Variants in SMG1 observed in about 807,000 individuals in gnomAD.
SMG1 encodes the protein SMG1 nonsense mediated mRNA decay associated PI3K related kinase, also known as serine/threonine-protein kinase SMG1.
A neutral mutation model predicts 419.9 loss-of-function variants in SMG1; 22 were observed. The observed-to-expected ratio is 0.05, with a 90% CI of 0.04 to 0.07. The LOEUF (loss-of-function observed/expected upper bound fraction) is 0.07, where lower values mean the gene tolerates loss of function less well. Ranked by LOEUF, SMG1 falls within the 10% of genes least tolerant of loss-of-function variation. The probability of loss-of-function intolerance (pLI) is 1.00; values close to 1 mark genes in which losing one functional copy is unlikely to be tolerated. For missense variants in SMG1, 3,185 were observed against 4,342.0 expected (o/e 0.73, Z 7.49); for synonymous variants, 1,538 against 1,553.5 (o/e 0.99, Z 0.23).
At chr16:18,819,007 CG>C (rs2032276290) in intron 56 of SMG1, among the ~76,000 whole-genome samples, 1 of 152,052 alleles carries the variant, frequency 6.6e-6, no homozygotes, top group Admixed American at 6.5e-5. Flanking sequence ...TTAGCAGAGA[CG>C]GGGTTTCACC....
At position 18,896,096 on chromosome 16, in the gene SMG1, T is replaced by A. The variant is rs757178922; in HGVS notation, c.368A>T (p.His123Leu). The A allele has an allele frequency of 2.2e-5, 35 of 1,607,332 alleles. No individual in the cohort carries two copies. Among genetic ancestry groups the A allele is most frequent in the Non-Finnish European group, 2.8e-5 (33 of 1,175,798 alleles). ...TTTGGTGGCTAAAGCACGACTGCCA[T>A]GCTGAACACTGGTGAACTCAGGGCT... Reference protein sequence around the residue: ...VTSPEFTSVQHGSRALATKDM... With the variant: ...VTSPEFTSVQLGSRALATKDM... The change falls in exon 3 of 63, where the codon CAT becomes CTT. Residue 123 changes from histidine to leucine, a missense_variant. By Grantham distance (99) the His-to-Leu change is moderately conservative (BLOSUM62 -3). This residue lies in a region of SMG1 where 42 missense variants were observed against 100.1 expected (regional missense o/e 0.42). Coordinates refer to ENST00000446231, the MANE Select transcript of SMG1 (RefSeq NM_015092.5).
intron 6 of SMG1, among the ~76,000 whole-genome samples, chr16:18,887,743 T>A (rs933894858): frequency 1.3e-3 from 24 of 17,818 alleles, no homozygotes; most frequent in East Asian, 3.0e-3. Context: ...ATACCCAAAA[T>A]AAAGCATATC....
chr16:18,892,454 T>C (rs539661801), intron 3 of SMG1, 100 bp from the exon 4 acceptor site: 1 of 958,176 alleles, frequency 1.0e-6, no homozygotes, highest in African/African-American at 1.7e-5. Context: ...AACTAAATTA[T>C]TATGGTGGCT....
chr16:18,829,553 A>G lies in SMG1; in HGVS notation c.9336T>C (p.Ala3112=). ...LGLTLCSFIS[A]LGVDIIAQVE... ...CTTGAGCAATGATGTCTACACCCAG[A>G]GCACTGATAAAACTGCACAGTGTGA... Residue 3112 remains alanine, a synonymous_variant, in exon 54 of 63, where the codon GCT becomes GCC. Coordinates refer to ENST00000446231, the MANE Select transcript of SMG1 (RefSeq NM_015092.5). 1 of 1,614,032 alleles carries G rather than the reference A, an allele frequency of 6.2e-7. No individual in the cohort carries two copies. The highest frequency in any genetic ancestry group is 1.7e-5 in the Admixed American group (1 of 60,028).
intron 1 of SMG1, among the ~76,000 whole-genome samples, chr16:18,900,911 G>A (rs2037318948): frequency 6.6e-6 from 1 of 152,118 alleles, no homozygotes; most frequent in African/African-American, 2.4e-5. Context: ...GCTTTAATGA[G>A]GAATAAGAGA....
chr16:18,845,721 A>C, intron 38 of SMG1, 70 bp from the exon 39 acceptor site: 1 of 1,101,160 alleles, frequency 9.1e-7, no homozygotes, highest in South Asian at 1.4e-5. Flanking sequence ...ACATGCAACA[A>C]TTTCAATATA....
intron 13 of SMG1, among the ~76,000 whole-genome samples, chr16:18,874,009 C>G (rs1368860260): frequency 6.6e-6 from 1 of 152,188 alleles, no homozygotes; most frequent in Non-Finnish European, 1.5e-5. Flanking sequence ...TGGTAATAAG[C>G]GAAGCAGCTA....
intron 36 of SMG1, 138 bp from the exon 37 acceptor site, chr16:18,848,171 T>C (rs1310575272): frequency 1.5e-6 from 1 of 685,042 alleles, no homozygotes; most frequent in East Asian, 2.7e-5. Context: ...TAGAACTGAT[T>C]AAAGATTGTG....
chr16:18,867,519 G>C (rs575751032), intron 22 of SMG1, among the ~76,000 whole-genome samples: 2 of 137,394 alleles, frequency 1.5e-5, no homozygotes, highest in South Asian at 4.7e-4. Context: ...GTGAAACTGT[G>C]TCTCAAAAAA....
chr16:18,885,368 T>C, intron 7 of SMG1, 173 bp downstream of exon 7: 1 of 833,382 alleles, frequency 1.2e-6, no homozygotes, highest in Non-Finnish European at 1.9e-6. Flanking sequence ...TCTTCAAATA[T>C]TTTAAGGTAT....
chr16:18,843,918 T>C (rs1295297391), intron 39 of SMG1, among the ~76,000 whole-genome samples: 1 of 152,168 alleles, frequency 6.6e-6, no homozygotes, highest in Non-Finnish European at 1.5e-5. Flanking sequence ...TTTTGAGCTG[T>C]ACTATATCTA....
Position 18,890,882 on chromosome 16 carries a change from G to C in SMG1, c.589C>G (p.His197Asp), listed in dbSNP as rs773887313. 36 of 1,578,506 alleles carry C rather than the reference G, an allele frequency of 2.3e-5. No individual in the cohort carries two copies. Among genetic ancestry groups the C allele is most frequent in the Non-Finnish European group, 3.0e-5 (34 of 1,149,842 alleles). Residue 197 changes from histidine (H) to aspartate (D), a missense_variant, in exon 5 of 63, where the codon CAT becomes GAT. His to Asp is a moderately conservative substitution (Grantham distance 81). Around this residue, in one of 27 missense-constraint regions of SMG1, gnomAD observed 20 missense variants for 54.7 expected, o/e 0.37. Transcript: ENST00000446231. The part of the protein sequence containing the change: ...KQLDNILAAV[H>D]DVLNESSKLL... The stretch of plus-strand genomic sequence containing the variant: ...ACTTACCTTTCATTAAGCACGTCAT[G>C]TACAGCAGCCAAGATATTATCCAAT...
At chr16:18,888,571 G>C (rs1036948048) in intron 6 of SMG1, among the ~76,000 whole-genome samples, 1 of 151,364 alleles carries the variant, frequency 6.6e-6, no homozygotes, top group South Asian at 2.1e-4. Context: ...AGGTTCAAGC[G>C]ATTCTCCTGC....
chr16:18,899,106 G>C (rs1458244535), intron 1 of SMG1, among the ~76,000 whole-genome samples: 1 of 152,254 alleles, frequency 6.6e-6, no homozygotes, highest in East Asian at 1.9e-4. Context: ...CAGTCTAAAA[G>C]ACAATGTACA....
At chr16:18,876,670 T>TG (rs67924819) in intron 12 of SMG1, among the ~76,000 whole-genome samples, 33 of 72,796 alleles carry the variant, frequency 4.5e-4, no homozygotes, top group East Asian at 2.3e-3. Flanking sequence ...GGCCGTTTTT[T>TG]TTTTTTTTTA....
intron 10 of SMG1, 124 bp downstream of exon 10, chr16:18,882,041 T>C (rs2036422167): frequency 5.6e-6 from 3 of 535,130 alleles, no homozygotes; most frequent in East Asian, 3.4e-5. Flanking sequence ...TATACATATA[T>C]ACATACATAC....
chr16:18,906,902 T>G (rs902363523), intron 1 of SMG1, among the ~76,000 whole-genome samples: 1 of 152,244 alleles, frequency 6.6e-6, no homozygotes, highest in African/African-American at 2.4e-5. Context: ...TCAGCAGCTT[T>G]CACAGGGCTG....
chr16:18,870,255 G>C (rs751838284), intron 18 of SMG1, among the ~76,000 whole-genome samples: 8 of 152,276 alleles, frequency 5.3e-5, no homozygotes, highest in Non-Finnish European at 1.2e-4. Flanking sequence ...TTATGCTTAT[G>C]TATTACAAAA....
At chr16:18,861,940 CT>C (rs1433432076) in intron 25 of SMG1, among the ~76,000 whole-genome samples, 2 of 152,150 alleles carry the variant, frequency 1.3e-5, no homozygotes, top group Non-Finnish European at 2.9e-5. Context: ...AATGTTCTTT[CT>C]CCTGTTTCTT....
Sources: gnomAD v4.1 joint callset for allele counts (sites outside exome capture counted in the v4.1 genomes callset) on GRCh38, gnomAD v4.1.1 for gene constraint, gnomAD v4.1.1 regional missense constraint, MANE v1.5 for transcripts, NCBI Gene and HGNC (gene_info 2026-07-23, HGNC 2026-07-21) for gene names.